The following GDAP2 variants were observed in gnomAD, a reference collection of about 807,000 sequenced individuals.
GDAP2 encodes the protein ganglioside-induced differentiation-associated protein 2.
GDAP2 carries 51 observed loss-of-function variants against 67.0 expected under a neutral mutation model. That is an observed-to-expected ratio of 0.76 (90% confidence interval 0.61 to 0.96). GDAP2 has a LOEUF of 0.96. GDAP2 is among the 40% of genes least tolerant of loss of function. The pLI, the probability that GDAP2 is intolerant of heterozygous loss-of-function variation, is 0.00. For missense variants in GDAP2, 547 were observed against 588.3 expected (o/e 0.93, Z 0.73); for synonymous variants, 203 against 207.3 (o/e 0.98, Z 0.18).
In GDAP2 at chr1:117,869,683, C is replaced by T. The variant is rs988771424; in HGVS notation, c.*886G>A. ...CACACTTCCTCCACACTGATGCAGG[C>T]AACTCAAGAGATGCTGCTATGAAAT... On this transcript the variant is annotated 3_prime_UTR_variant, in exon 14 of 14. Coordinates refer to ENST00000369443, the MANE Select transcript of GDAP2 (RefSeq NM_017686.4). 7 of 152,616 alleles carry T rather than the reference C, an allele frequency of 4.6e-5. No homozygotes were observed. Among genetic ancestry groups the T allele is most frequent in the Non-Finnish European group, 8.8e-5 (6 of 68,046 alleles). The allele number at this position is 152,616 out of a possible 1,614,324, so 9.5% of individuals were successfully genotyped here.
chr1:117,870,749 C>T (rs1389991841), intron 13 of GDAP2, 133 bp from the exon 14 acceptor site: 1 of 708,038 alleles, frequency 1.4e-6, no homozygotes, highest in African/African-American at 1.8e-5. Flanking sequence ...TAAGCAGGCC[C>T]TCAGCCATTA....
intron 13 of GDAP2, chr1:117,877,616 GC>G: frequency 1.0e-6 from 1 of 991,708 alleles, no homozygotes; most frequent in Non-Finnish European, 1.2e-6. Flanking sequence ...ACTGAGATAG[GC>G]CACATGATTT....
rs1570957688 is a variant in GDAP2, at chr1:117,865,999, A to G, written c.*4570T>C. Reference sequence around the variant, plus strand: ...CATATATGTGTGTGTGCATGCATGTATATGTATATATGGTTAGGCCTACCA... The same window carrying G: ...CATATATGTGTGTGTGCATGCATGTGTATGTATATATGGTTAGGCCTACCA... On this transcript the variant is annotated 3_prime_UTR_variant, in exon 14 of 14. Coordinates refer to ENST00000369443, the MANE Select transcript of GDAP2 (RefSeq NM_017686.4). 2 of 152,326 alleles carry G rather than the reference A, an allele frequency of 1.3e-5. No individual in the cohort carries two copies. The highest frequency in any genetic ancestry group is 1.9e-4 in the East Asian group (1 of 5,188). 9.4% of individuals were successfully genotyped at this position (152,326 alleles called of 1,614,324 possible). A position where few individuals can be genotyped will look rare whatever the true frequency, so the allele number is the denominator to read the frequency against.
intron 1 of GDAP2, among the ~76,000 whole-genome samples, chr1:117,926,805 G>C (rs886491314): frequency 6.6e-6 from 1 of 152,104 alleles, no homozygotes; most frequent in African/African-American, 2.4e-5. Context: ...AAATAAATTT[G>C]AATTAGAATC....
chr1:117,910,651 GC>G (rs1166507288), intron 5 of GDAP2, among the ~76,000 whole-genome samples: 1 of 152,084 alleles, frequency 6.6e-6, no homozygotes, highest in East Asian at 1.9e-4. Flanking sequence ...GATAACAGGG[GC>G]TCTTAAAGAT....
At chr1:117,882,613 A>T (rs1277099102) in intron 11 of GDAP2, among the ~76,000 whole-genome samples, 1 of 152,310 alleles carries the variant, frequency 6.6e-6, no homozygotes, top group African/African-American at 2.4e-5. Context: ...ACTATTTCAC[A>T]GTTGAGGCCT....
chr1:117,878,259 A>T (rs1648532791), intron 12 of GDAP2, 107 bp from the exon 13 acceptor site: 1 of 560,164 alleles, frequency 1.8e-6, no homozygotes, highest in Non-Finnish European at 3.1e-6. Flanking sequence ...CAAAGTCTTA[A>T]AATAACTAGT....
In GDAP2 at chr1:117,912,565, A is replaced by T. The variant is rs1649894351; in HGVS notation, c.435T>A (p.Leu145=). 6.2e-6 allele frequency: 10 copies of T among 1,613,704 alleles called. No individual in the cohort carries two copies. The highest frequency in any genetic ancestry group is 8.5e-6 in the Non-Finnish European group (10 of 1,179,662). The part of the protein sequence containing the change: ...SRYRTAAESS[L]YSCYRNVLQL... ...GAAGTACGTTTCTGTAGCAGCTATA[A>T]AGGGAACTCTCAGCTGCTGTGCGAT... Residue 145 remains leucine, a synonymous_variant, in exon 4 of 14, where the codon CTT becomes CTA. Coordinates refer to ENST00000369443, the MANE Select transcript of GDAP2 (RefSeq NM_017686.4).
chr1:117,926,465 T>G (rs1367475977), intron 1 of GDAP2, among the ~76,000 whole-genome samples: 9 of 152,234 alleles, frequency 5.9e-5, no homozygotes, highest in Admixed American at 4.6e-4. Context: ...CTCATAGCTC[T>G]TATTGTAGGA....
At chr1:117,903,401 T>C (rs1307369865) in intron 6 of GDAP2, among the ~76,000 whole-genome samples, 6 of 152,180 alleles carry the variant, frequency 3.9e-5, no homozygotes, top group Admixed American at 2.0e-4. Context: ...GTATGTTAGC[T>C]ATGGGTTTCC....
intron 13 of GDAP2, among the ~76,000 whole-genome samples, chr1:117,872,888 T>G (rs1023419833): frequency 3.3e-5 from 5 of 152,144 alleles, no homozygotes; most frequent in African/African-American, 1.2e-4. Flanking sequence ...TATAAAAATG[T>G]TTCACTGACC....
At chr1:117,872,530 G>A (rs1648326351) in intron 13 of GDAP2, among the ~76,000 whole-genome samples, 1 of 152,140 alleles carries the variant, frequency 6.6e-6, no homozygotes, top group South Asian at 2.1e-4. Flanking sequence ...ATGAGATCAT[G>A]TCCTTTGCAG....
chr1:117,878,152 C>A lies in GDAP2; in HGVS notation c.1303G>T (p.Val435Leu). ...YFVHPTFRSKVSTWFFTTFSV... is the reference protein window; with the variant it reads ...YFVHPTFRSKLSTWFFTTFSV... ...AAGGTGGTAAAAAACCATGTTGACA[C>A]CTGATTAATAGAAGAGAAAAAATAA... is the stretch of plus-strand genomic sequence containing the variant. The change falls in exon 13 of 14, where the codon GTG becomes TTG. Residue 435 changes from valine (V) to leucine (L), a missense_variant and splice_region_variant. Physicochemically the swap from Val to Leu is conservative, Grantham distance 32. Coordinates refer to ENST00000369443, the MANE Select transcript of GDAP2 (RefSeq NM_017686.4). 2 of 1,521,660 alleles carry A rather than the reference C, an allele frequency of 1.3e-6. No homozygotes were observed. Among genetic ancestry groups the A allele is most frequent in the Non-Finnish European group, 1.8e-6 (2 of 1,114,328 alleles). The allele number at this position is 1,521,660 out of a possible 1,614,324, so 94.3% of individuals were successfully genotyped here.
At chr1:117,884,312 T>A (rs1281329079) in intron 10 of GDAP2, among the ~76,000 whole-genome samples, 1 of 152,150 alleles carries the variant, frequency 6.6e-6, no homozygotes, top group Non-Finnish European at 1.5e-5. Flanking sequence ...ACAAAAATGA[T>A]GAATTTAAGA....
chr1:117,914,805 T>C (rs1317531095), intron 3 of GDAP2, among the ~76,000 whole-genome samples: 1 of 152,172 alleles, frequency 6.6e-6, no homozygotes, highest in Non-Finnish European at 1.5e-5. Flanking sequence ...AAACTAGAAT[T>C]CTATTTCTAA....
At chr1:117,893,999 C>A (rs1009106575) in intron 8 of GDAP2, among the ~76,000 whole-genome samples, 9 of 152,068 alleles carry the variant, frequency 5.9e-5, no homozygotes, top group African/African-American at 2.2e-4. Context: ...TTTTAACTTG[C>A]AAATCTCTTT....
At chr1:117,926,516 CAG>C (rs1650451889) in intron 1 of GDAP2, among the ~76,000 whole-genome samples, 1 of 152,206 alleles carries the variant, frequency 6.6e-6, no homozygotes, top group Admixed American at 6.5e-5. Context: ...CAGTATTTAA[CAG>C]AGGTTGAATT....
At chr1:117,888,997 T>C (rs936168082) in intron 8 of GDAP2, among the ~76,000 whole-genome samples, 3 of 152,188 alleles carry the variant, frequency 2.0e-5, no homozygotes, top group Non-Finnish European at 4.4e-5. Flanking sequence ...ATTAGTTCTA[T>C]AGACTGCCTT....
Position 117,878,038 on chromosome 1 carries a change from G to A in GDAP2, c.1417C>T (p.Pro473Ser). ...GCATCATATTCAAGGACAAAAGGAG[G>A]AAAGTCAATCTGTTCTGGTGATATG... is the stretch of plus-strand genomic sequence containing the variant. ...SAISPEQIDF[P>S]PFVLEYDARE... Residue 473 changes from proline (P) to serine (S), a missense_variant, in exon 13 of 14, where the codon CCT (proline) becomes TCT (serine). Coordinates refer to ENST00000369443, the MANE Select transcript of GDAP2 (RefSeq NM_017686.4). The A allele has an allele frequency of 6.2e-7, 1 of 1,612,756 alleles. No homozygotes were observed. The highest frequency in any genetic ancestry group is 8.5e-7 in the Non-Finnish European group (1 of 1,178,888).
Sources: allele counts gnomAD v4.1 joint callset (sites outside exome capture counted in the v4.1 genomes callset), GRCh38; gene constraint gnomAD v4.1.1; transcripts MANE v1.5; gene names NCBI Gene and HGNC (gene_info 2026-07-23, HGNC 2026-07-21).